The following UBXN10 variants were observed in gnomAD, a reference collection of about 807,000 sequenced individuals.
UBXN10 encodes the protein UBX domain-containing protein 10.
UBXN10 carries 6 observed loss-of-function variants against 6.9 expected under a neutral mutation model. The observed-to-expected ratio is 0.87, with a 90% CI of 0.48 to 1.72. The LOEUF (loss-of-function observed/expected upper bound fraction) is 1.72. Among genes scored for constraint, UBXN10 ranks in the 40% most tolerant of loss-of-function variants. UBXN10 has a pLI of 0.01. For missense variants in UBXN10, 317 were observed against 348.4 expected (o/e 0.91, Z 0.72); for synonymous variants, 131 against 135.2 (o/e 0.97, Z 0.21).
At chr1:20,184,804 G>C (rs979381388), upstream of UBXN10, among the ~76,000 whole-genome samples, 12 of 152,084 alleles carry the variant, frequency 7.9e-5, no homozygotes, top group Non-Finnish European at 1.0e-4. Context: ...AGGGAGGTGG[G>C]AGAGGGAGAG....
rs1011060275 is a variant in UBXN10, at chr1:20,195,070, A to T, written c.*3666A>T. The T allele has an allele frequency of 6.0e-6, 1 of 167,114 alleles. No individual in the cohort carries two copies. Among genetic ancestry groups the T allele is most frequent in the Admixed American group, 6.5e-5 (1 of 15,286 alleles). 10.4% of individuals were successfully genotyped at this position (167,114 alleles called of 1,614,324 possible). ...ACTCAGTTACCAACACACAACACTC[A>T]TAAAACTAAAATTAGGTGTTTTATT... On this transcript the variant is annotated 3_prime_UTR_variant, in exon 2 of 2. Transcript: ENST00000375099.
chr1:20,186,912 G>C (rs1338577887), intron 1 of UBXN10, among the ~76,000 whole-genome samples: 1 of 142,266 alleles, frequency 7.0e-6, no homozygotes. Flanking sequence ...GGGGGGGCGG[G>C]ATGGCAACGG....
In UBXN10 at chr1:20,194,161, C is replaced by T. The variant is rs555703004; in HGVS notation, c.*2757C>T. 3 of 167,260 alleles carry T rather than the reference C, an allele frequency of 1.8e-5. No homozygotes were observed. Among genetic ancestry groups the T allele is most frequent in the East Asian group, 1.9e-4 (1 of 5,194 alleles). 10.4% of individuals were successfully genotyped at this position (167,260 alleles called of 1,614,324 possible). ...TTGTTACTGCTGGCTCTTCATCCCA[C>T]CCTCTGGAGATGCTAAGGAAGCTCT... On this transcript the variant is annotated 3_prime_UTR_variant, in exon 2 of 2. Coordinates refer to ENST00000375099, the MANE Select transcript of UBXN10 (RefSeq NM_152376.5).
rs2018561426 is a variant in UBXN10 at position 20,194,052 on chromosome 1, C to T, written c.*2648C>T. On this transcript the variant is annotated 3_prime_UTR_variant, in exon 2 of 2. Transcript: ENST00000375099. ...AAGTGTTGGCAAGAAAACATGAACCCACCATTGGACTCTCAACTCAAACCT... is the reference window on the plus strand; with the variant it reads ...AAGTGTTGGCAAGAAAACATGAACCTACCATTGGACTCTCAACTCAAACCT... The T allele has an allele frequency of 6.0e-6, 1 of 167,074 alleles. No individual in the cohort carries two copies. Among genetic ancestry groups the T allele is most frequent in the Non-Finnish European group, 1.5e-5 (1 of 68,120 alleles). The allele number at this position is 167,074 out of a possible 1,614,324, so 10.3% of individuals were successfully genotyped here. A position where few individuals can be genotyped will look rare whatever the true frequency, so the allele number is the denominator to read the frequency against.
In UBXN10 at chr1:20,193,627, T is replaced by C. The variant is rs2018547927; in HGVS notation, c.*2223T>C. On this transcript the variant is annotated 3_prime_UTR_variant, in exon 2 of 2. Coordinates refer to ENST00000375099, the MANE Select transcript of UBXN10 (RefSeq NM_152376.5). ...AGTTTTCTCATTGGGAAAGCACTTGTTCCACTGTTAGAACCAAGTCCTCCT... is the reference window on the plus strand; with the variant it reads ...AGTTTTCTCATTGGGAAAGCACTTGCTCCACTGTTAGAACCAAGTCCTCCT... The C allele has an allele frequency of 1.2e-5, 2 of 167,052 alleles. No homozygotes were observed. Among genetic ancestry groups the C allele is most frequent in the African/African-American group, 2.4e-5 (1 of 41,434 alleles). The allele number at this position is 167,052 out of a possible 1,614,324, so 10.3% of individuals were successfully genotyped here.
rs1005881796 is a variant in UBXN10 at position 20,194,689 on chromosome 1, C to T, written c.*3285C>T. On this transcript the variant is annotated 3_prime_UTR_variant, in exon 2 of 2. Transcript: ENST00000375099. ...CTAATGTCAAATAAAGCCACCCTGC[C>T]TCTTGGGACAAAGATGTTTCTCTTT... 3 of 167,080 alleles carry T rather than the reference C, an allele frequency of 1.8e-5. No homozygotes were observed. The highest frequency in any genetic ancestry group is 4.4e-5 in the Non-Finnish European group (3 of 68,112). The allele number at this position is 167,080 out of a possible 1,614,324, so 10.3% of individuals were successfully genotyped here. A position where few individuals can be genotyped will look rare whatever the true frequency, so the allele number is the denominator to read the frequency against.
upstream of UBXN10, among the ~76,000 whole-genome samples, chr1:20,183,366 T>A (rs955107478): frequency 5.3e-5 from 8 of 152,090 alleles, no homozygotes; most frequent in African/African-American, 2.4e-5. Context: ...ACAGCACAGA[T>A]AAGGGCCATG....
chr1:20,183,754 G>A (rs1380235586), upstream of UBXN10, among the ~76,000 whole-genome samples: 1 of 152,184 alleles, frequency 6.6e-6, no homozygotes, highest in African/African-American at 2.4e-5. Flanking sequence ...AGAGCAGGGT[G>A]GGGCAGGCAT....
In UBXN10 at chr1:20,191,297, G is replaced by A; in HGVS notation, c.736G>A (p.Val246Met). Residue 246 changes from valine (V) to methionine (M), a missense_variant, in exon 2 of 2, where the codon GTG becomes ATG. Val to Met is a conservative substitution (Grantham distance 21). Coordinates refer to ENST00000375099, the MANE Select transcript of UBXN10 (RefSeq NM_152376.5). The surrounding 1 kb of genome is among the most constrained non-coding windows in gnomAD (Gnocchi z 4.5). ...ACACTGCAGCATTGAAACAATGGAG[G>A]TGCCCAGGAGGCGATTTTCTGACCT... ...YRHCSIETMEVPRRRFSDLTK... is the reference protein window; with the variant it reads ...YRHCSIETMEMPRRRFSDLTK... 6.2e-7 allele frequency: 1 copy of A among 1,614,210 alleles called. No individual in the cohort carries two copies. The highest frequency in any genetic ancestry group is 8.5e-7 in the Non-Finnish European group (1 of 1,180,034).
In UBXN10 at chr1:20,194,004, C is replaced by G. The variant is rs547892440; in HGVS notation, c.*2600C>G. 6.0e-6 allele frequency: 1 copy of G among 167,182 alleles called. No individual in the cohort carries two copies. Among genetic ancestry groups the G allele is most frequent in the African/African-American group, 2.4e-5 (1 of 41,552 alleles). 10.4% of individuals were successfully genotyped at this position (167,182 alleles called of 1,614,324 possible). A position where few individuals can be genotyped will look rare whatever the true frequency, so the allele number is the denominator to read the frequency against. On this transcript the variant is annotated 3_prime_UTR_variant, in exon 2 of 2. Coordinates refer to ENST00000375099, the MANE Select transcript of UBXN10 (RefSeq NM_152376.5). ...GCTTACCCAGTGCCACACTTTGAGA[C>G]AAGCATGGGTGTCCTGAAAAGAAAG... is the stretch of plus-strand genomic sequence containing the variant.
Position 20,195,121 on chromosome 1 carries a change from C to T in UBXN10, c.*3717C>T, listed in dbSNP as rs1394815568. On this transcript the variant is annotated 3_prime_UTR_variant, in exon 2 of 2. Coordinates refer to ENST00000375099, the MANE Select transcript of UBXN10 (RefSeq NM_152376.5). Reference sequence around the variant, plus strand: ...TTTTGTCTACACGGGTGGCGTGCCACTTTCCTTTCCTGATTAGGGAAGCTT... The same window carrying T: ...TTTTGTCTACACGGGTGGCGTGCCATTTTCCTTTCCTGATTAGGGAAGCTT... 1 of 167,148 alleles carries T rather than the reference C, an allele frequency of 6.0e-6. No homozygotes were observed. Among genetic ancestry groups the T allele is most frequent in the Non-Finnish European group, 1.5e-5 (1 of 68,138 alleles). The allele number at this position is 167,148 out of a possible 1,614,324, so 10.4% of individuals were successfully genotyped here.
Position 20,192,862 on chromosome 1 carries a change from G to A in UBXN10, c.*1458G>A, listed in dbSNP as rs2018535075. ...GTTTTTTCTCGCACGTTGAGGCTTAGTGGAGATGGGCACCACTGCCATTTG... is the reference window on the plus strand; with the variant it reads ...GTTTTTTCTCGCACGTTGAGGCTTAATGGAGATGGGCACCACTGCCATTTG... On this transcript the variant is annotated 3_prime_UTR_variant, in exon 2 of 2. Transcript: ENST00000375099. 6.0e-6 allele frequency: 1 copy of A among 167,206 alleles called. No homozygotes were observed. The highest frequency in any genetic ancestry group is 6.5e-5 in the Admixed American group (1 of 15,294). 10.4% of individuals were successfully genotyped at this position (167,206 alleles called of 1,614,324 possible).
In UBXN10 at chr1:20,190,925, A is replaced by G; in HGVS notation, c.364A>G (p.Arg122Gly). 6.2e-7 allele frequency: 1 copy of G among 1,614,124 alleles called. No homozygotes were observed. ...GTATCCAGTCCTTCCTTCCATCAAC[A>G]GAAAGAACCTGGAGGAGGAGGCTGT... ...NKYPVLPSIN[R>G]KNLEEEAVET... Residue 122 changes from arginine to glycine, a missense_variant, in exon 2 of 2, where the codon AGA (arginine) becomes GGA (glycine). Transcript: ENST00000375099.
In UBXN10 at chr1:20,192,565, A is replaced by G. The variant is rs1027568528; in HGVS notation, c.*1161A>G. 2.4e-5 allele frequency: 4 copies of G among 167,088 alleles called. No homozygotes were observed. Among genetic ancestry groups the G allele is most frequent in the South Asian group, 2.1e-4 (1 of 4,826 alleles). The allele number at this position is 167,088 out of a possible 1,614,324, so 10.4% of individuals were successfully genotyped here. ...AAGTGCTGATGTGGACAGTTTGCCA[A>G]TGTTCTCTTCTATTGCAAGTTCAGC... On this transcript the variant is annotated 3_prime_UTR_variant, in exon 2 of 2. Transcript: ENST00000375099.
rs1034744164 is a variant in UBXN10, at chr1:20,193,382, T to C, written c.*1978T>C. 6.0e-6 allele frequency: 1 copy of C among 167,092 alleles called. No individual in the cohort carries two copies. The highest frequency in any genetic ancestry group is 2.4e-5 in the African/African-American group (1 of 41,454). The allele number at this position is 167,092 out of a possible 1,614,324, so 10.4% of individuals were successfully genotyped here. A position where few individuals can be genotyped will look rare whatever the true frequency, so the allele number is the denominator to read the frequency against. ...TTAGAATTTTGGGGTTGGGAAAAAG[T>C]GGAAGGCATAAGCATAGAAATATTT... On this transcript the variant is annotated 3_prime_UTR_variant, in exon 2 of 2. Transcript: ENST00000375099.
At chr1:20,185,231 G>C (rs1475407472), upstream of UBXN10, among the ~76,000 whole-genome samples, 1 of 152,198 alleles carries the variant, frequency 6.6e-6, no homozygotes, top group Non-Finnish European at 1.5e-5. Context: ...ACTGAGGTTA[G>C]AGACCTCGTG....
intron 1 of UBXN10, among the ~76,000 whole-genome samples, chr1:20,189,385 G>A (rs12737897): frequency 6.6e-6 from 1 of 152,130 alleles, no homozygotes; most frequent in South Asian, 2.1e-4. Flanking sequence ...TTGGGAGGAG[G>A]AGGTGCTGGT....
intron 1 of UBXN10, among the ~76,000 whole-genome samples, chr1:20,186,671 CCT>C (rs1252006642): frequency 6.6e-6 from 1 of 152,234 alleles, no homozygotes; most frequent in Non-Finnish European, 1.5e-5. Context: ...ATCCCCACCA[CCT>C]CCCTGCCCTT....
At position 20,194,063 on chromosome 1, in the gene UBXN10, TCTCAA is replaced by T. The variant is rs1242123004; in HGVS notation, c.*2665_*2669del. 1.2e-5 allele frequency: 2 copies of T among 167,064 alleles called. No individual in the cohort carries two copies. The highest frequency in any genetic ancestry group is 1.3e-4 in the Admixed American group (2 of 15,286). 10.3% of individuals were successfully genotyped at this position (167,064 alleles called of 1,614,324 possible). A position where few individuals can be genotyped will look rare whatever the true frequency, so the allele number is the denominator to read the frequency against. On this transcript the variant is annotated 3_prime_UTR_variant, in exon 2 of 2. Coordinates refer to ENST00000375099, the MANE Select transcript of UBXN10 (RefSeq NM_152376.5). The stretch of plus-strand genomic sequence containing the variant: ...AGAAAACATGAACCCACCATTGGAC[TCTCAA>T]CTCAAACCTTACTGAAGTCAGTGGC...
Sources: gnomAD v4.1 joint callset for allele counts (sites outside exome capture counted in the v4.1 genomes callset) on GRCh38, gnomAD v4.1.1 for gene constraint, Gnocchi (gnomAD v3.1) non-coding constraint, MANE v1.5 for transcripts, NCBI Gene and HGNC (gene_info 2026-07-23, HGNC 2026-07-21) for gene names.